Variants in PRPF3 observed in about 807,000 individuals in gnomAD.
The protein encoded by PRPF3 is U4/U6 small nuclear ribonucleoprotein Prp3.
PRPF3 carries 3 observed loss-of-function variants against 89.2 expected under a neutral mutation model. The observed-to-expected ratio is 0.03, with a 90% CI of 0.02 to 0.09. The LOEUF is 0.09. PRPF3 is among the 10% of genes least tolerant of loss of function. The pLI, the probability that PRPF3 is intolerant of heterozygous loss-of-function variation, is 1.00. For synonymous variants in PRPF3, 270 were observed against 289.1 expected (o/e 0.93, Z 0.67); for missense variants, 463 against 828.8 (o/e 0.56, Z 5.42).
chr1:150,339,370 CTG>C (rs1286512489), intron 8 of PRPF3, among the ~76,000 whole-genome samples: 3 of 137,198 alleles, frequency 2.2e-5, no homozygotes, highest in Non-Finnish European at 1.5e-5. Flanking sequence ...GGGTGAAACT[CTG>C]TCTCAAAAAA....
At chr1:150,334,845 A>G in intron 6 of PRPF3, 90 bp from the exon 7 acceptor site, 3 of 1,497,418 alleles carry the variant, frequency 2.0e-6, no homozygotes, top group Non-Finnish European at 2.7e-6. Context: ...CTGTGGTTCC[A>G]GGCTTGAGCC....
rs1572301665 is a variant in PRPF3 at position 150,353,091 on chromosome 1, A to G, written c.*112A>G. The G allele has an allele frequency of 7.0e-7, 1 of 1,419,356 alleles. No homozygotes were observed. The highest frequency in any genetic ancestry group is 1.2e-5 in the South Asian group (1 of 86,310). 87.9% of individuals were successfully genotyped at this position (1,419,356 alleles called of 1,614,324 possible). A position where few individuals can be genotyped will look rare whatever the true frequency, so the allele number is the denominator to read the frequency against. Reference sequence around the variant, plus strand: ...TTTGTGTGATCTCAGAACTGTGCCAAGCAGACACTGGGACAAAGGGAGAAT... The same window carrying G: ...TTTGTGTGATCTCAGAACTGTGCCAGGCAGACACTGGGACAAAGGGAGAAT... On this transcript the variant is annotated 3_prime_UTR_variant, in exon 16 of 16. Coordinates refer to ENST00000324862, the MANE Select transcript of PRPF3 (RefSeq NM_004698.4).
At chr1:150,325,522 A>G (rs1655606252) in intron 2 of PRPF3, among the ~76,000 whole-genome samples, 1 of 152,164 alleles carries the variant, frequency 6.6e-6, no homozygotes, top group Non-Finnish European at 1.5e-5. Context: ...TTGATGTTCA[A>G]GGTAAACAGG....
In PRPF3 at chr1:150,324,954, A is replaced by G; in HGVS notation, c.12A>G (p.Ser4=). 1 of 1,610,378 alleles carries G rather than the reference A, an allele frequency of 6.2e-7. No homozygotes were observed. The highest frequency in any genetic ancestry group is 1.1e-5 in the South Asian group (1 of 91,018). MAL[S]KRELDELKPW... ...CTTTTTCCTGAAAAATGGCACTGTC[A>G]AAGAGGGAGCTGGATGAGCTGAAAC... Residue 4 remains serine, a synonymous_variant, in exon 2 of 16, where the codon TCA becomes TCG. Transcript: ENST00000324862.
rs587773562 is a variant in PRPF3 at position 150,344,710 on chromosome 1, C to T, written c.1640+163C>T. Among the ~76,000 whole-genome samples, 92 of 151,872 alleles carry T rather than the reference C, an allele frequency of 6.1e-4. 2 individuals are homozygous for T. The highest frequency in any genetic ancestry group is 1.9e-3 in the South Asian group (9 of 4,810). On this transcript the variant is annotated intron_variant, in intron 12 of 15. Transcript: ENST00000324862. ...AGAGCTAGTAAATCTTGTAAAATAG[C>T]GAGAGTTAATGACTTATGTTTATGG...
chr1:150,339,880 C>T (rs1657510056), intron 8 of PRPF3, among the ~76,000 whole-genome samples: 1 of 151,878 alleles, frequency 6.6e-6, no homozygotes, highest in Admixed American at 6.6e-5. Context: ...AATACCACCA[C>T]ACCTGGCCAG....
At chr1:150,336,001 C>T (rs1358508575) in intron 7 of PRPF3, among the ~76,000 whole-genome samples, 1 of 152,052 alleles carries the variant, frequency 6.6e-6, no homozygotes, top group Middle Eastern at 3.2e-3. Context: ...AACTCCTGAC[C>T]TTGTGATCTG....
chr1:150,343,785 A>G (rs1027036599), intron 10 of PRPF3, among the ~76,000 whole-genome samples: 3 of 152,204 alleles, frequency 2.0e-5, no homozygotes, highest in African/African-American at 4.8e-5. Flanking sequence ...AATTTTTACA[A>G]TGAAAGTACA....
Position 150,325,705 on chromosome 1 carries a change from T to C in PRPF3, c.146-46T>C, listed in dbSNP as rs201303752. ...CTGTTATAGGCCTAGTATTAGACTG[T>C]GTACTCTTACCTTTCCAACCCTACC... On this transcript the variant is annotated intron_variant, in intron 2 of 15. Transcript: ENST00000324862. 96 of 1,601,104 alleles carry C rather than the reference T, an allele frequency of 6.0e-5. No homozygotes were observed. The East Asian group carries it at 1.8e-3, about 30-fold the overall frequency.
intron 4 of PRPF3, among the ~76,000 whole-genome samples, chr1:150,331,261 T>C (rs1240864245): frequency 4.0e-5 from 6 of 150,678 alleles, no homozygotes; most frequent in African/African-American, 7.3e-5. Context: ...ATGGTCTCGA[T>C]CTCCTGACCT....
chr1:150,328,146 G>A (rs1655923301), intron 3 of PRPF3, 174 bp from the exon 4 acceptor site: 1 of 644,874 alleles, frequency 1.6e-6, no homozygotes, highest in South Asian at 1.9e-5. Context: ...GGAGAATGTT[G>A]AAGTTGGGTG....
At chr1:150,337,003 C>T (rs916315933) in intron 7 of PRPF3, among the ~76,000 whole-genome samples, 1 of 146,112 alleles carries the variant, frequency 6.8e-6, no homozygotes. Flanking sequence ...CCTTTGCCGC[C>T]TTTTTATCCT....
At chr1:150,329,493 T>C (rs1004272601) in intron 4 of PRPF3, among the ~76,000 whole-genome samples, 16 of 149,248 alleles carry the variant, frequency 1.1e-4, no homozygotes, top group African/African-American at 3.9e-4. Flanking sequence ...TTGAGAAAAT[T>C]AAATGAAATG....
chr1:150,334,883 G>T, intron 6 of PRPF3, 52 bp from the exon 7 acceptor site: 2 of 1,605,408 alleles, frequency 1.2e-6, no homozygotes, highest in Admixed American at 1.7e-5. Context: ...TTTGTTTTTT[G>T]CTTGCCTTAA....
rs1185909509 is a variant in PRPF3, at chr1:150,348,460, A to ATTTTTTTT, written c.1844-685_1844-678dup. Among the ~76,000 whole-genome samples the ATTTTTTTT allele has an allele frequency of 1.4e-4, 7 of 48,458 alleles. 2 individuals carry two copies. The highest frequency in any genetic ancestry group is 2.7e-4 in the African/African-American group (3 of 11,204). The allele number at this position is 48,458 out of a possible 152,430, so 31.8% of individuals were successfully genotyped here. On this transcript the variant is annotated intron_variant, in intron 14 of 15. Coordinates refer to ENST00000324862, the MANE Select transcript of PRPF3 (RefSeq NM_004698.4). ...AAAAAATATTTTGTTCTACACGTGC[A>ATTTTTTTT]TTTTTTTTTTTTTTTTTTTGAGATG...
chr1:150,344,677 G>A (rs1553872443), intron 12 of PRPF3, 130 bp downstream of exon 12: 3 of 988,102 alleles, frequency 3.0e-6, no homozygotes, highest in Non-Finnish European at 4.7e-6. Flanking sequence ...TGACCCTAGT[G>A]TGGATCAAGA....
chr1:150,350,782 G>A (rs1306449607), intron 15 of PRPF3, among the ~76,000 whole-genome samples: 3 of 151,328 alleles, frequency 2.0e-5, no homozygotes, highest in Admixed American at 6.6e-5. Flanking sequence ...GCAATATGGC[G>A]AAACCCCGTC....
At chr1:150,333,320 G>A (rs1213263742) in intron 6 of PRPF3, 121 bp downstream of exon 6, 1 of 1,120,528 alleles carries the variant, frequency 8.9e-7, no homozygotes, top group Non-Finnish European at 1.3e-6. Flanking sequence ...AGCACTTTGG[G>A]AGGCTGAGGT....
intron 4 of PRPF3, among the ~76,000 whole-genome samples, chr1:150,328,701 C>T (rs1655991265): frequency 6.6e-6 from 1 of 151,626 alleles, no homozygotes; most frequent in African/African-American, 2.4e-5. Context: ...TAGAGGCACC[C>T]ACCACCAAGC....
Sources: allele counts gnomAD v4.1 joint callset (sites outside exome capture counted in the v4.1 genomes callset), GRCh38; gene constraint gnomAD v4.1.1; transcripts MANE v1.5; gene names NCBI Gene and HGNC (gene_info 2026-07-23, HGNC 2026-07-21).